Variants in AKR1C3 observed in about 807,000 individuals in gnomAD.
AKR1C3 encodes 3-alpha hydroxysteroid dehydrogenase, type II.
A neutral mutation model predicts 43.6 loss-of-function variants in AKR1C3; 48 were observed. The observed-to-expected ratio is 1.10, with a 90% confidence interval of 0.87 to 1.40. The LOEUF is 1.40. Among genes scored for constraint, AKR1C3 ranks in the 40% most tolerant of loss-of-function variants. AKR1C3 has a pLI of 0.00. For missense variants in AKR1C3, 482 were observed against 391.2 expected (o/e 1.23, Z -1.96); for synonymous variants, 162 against 139.6 (o/e 1.16, Z -1.13).
At chr10:5,101,044 C>A (rs782418083) in intron 5 of AKR1C3, among the ~76,000 whole-genome samples, 2 of 152,124 alleles carry the variant, frequency 1.3e-5, no homozygotes, top group Non-Finnish European at 2.9e-5. Flanking sequence ...ATTATTGTAT[C>A]TAAGGAAACG....
chr10:5,104,890 ATGTAATGAACACCTTTTACCTAGACTAAT>A (rs1554786827), intron 7 of AKR1C3, among the ~76,000 whole-genome samples: 1 of 152,140 alleles, frequency 6.6e-6, no homozygotes. Context: ...TAAAAGAAAA[ATGTAATGAACACCTTTTACCTAGACTAAT>A]TGTTAACTTG....
upstream of AKR1C3, among the ~76,000 whole-genome samples, chr10:5,093,149 A>G (rs192838117): frequency 4.6e-5 from 7 of 152,152 alleles, no homozygotes; most frequent in Admixed American, 4.6e-4. Context: ...TAGACGGACT[A>G]TTGCACGTCT....
chr10:5,068,236 T>C (rs1359798308), intron 1 of AKR1C3, among the ~76,000 whole-genome samples: 6 of 152,156 alleles, frequency 3.9e-5, no homozygotes, highest in Non-Finnish European at 8.8e-5. Context: ...CATATAATCT[T>C]AGAACATACA....
At chr10:5,067,651 C>T (rs539959837) in intron 1 of AKR1C3, among the ~76,000 whole-genome samples, 1 of 152,304 alleles carries the variant, frequency 6.6e-6, no homozygotes, top group African/African-American at 2.4e-5. Context: ...TGAATGACAT[C>T]CTTTCATAAA....
At chr10:5,066,625 C>T (rs548927692) in intron 1 of AKR1C3, among the ~76,000 whole-genome samples, 4 of 152,108 alleles carry the variant, frequency 2.6e-5, no homozygotes, top group Non-Finnish European at 5.9e-5. Context: ...GTATGGTGCT[C>T]ATCGAAGGTC....
At chr10:5,088,783 A>C (rs1839026182) in intron 1 of AKR1C3, among the ~76,000 whole-genome samples, 1 of 151,832 alleles carries the variant, frequency 6.6e-6, no homozygotes, top group African/African-American at 2.4e-5. Context: ...TTTTAAGTGG[A>C]GGATTTAGGT....
At chr10:5,083,539 C>T (rs1263859867) in intron 1 of AKR1C3, among the ~76,000 whole-genome samples, 14 of 152,236 alleles carry the variant, frequency 9.2e-5, no homozygotes, top group Admixed American at 5.2e-4. Context: ...TATAAACATA[C>T]GTGTGCATGT....
intron 1 of AKR1C3, among the ~76,000 whole-genome samples, chr10:5,062,993 A>G (rs1554780388): frequency 6.6e-6 from 1 of 152,212 alleles, no homozygotes; most frequent in Admixed American, 6.5e-5. Flanking sequence ...TTTTCTCTAC[A>G]AGAAATGCTG....
chr10:5,090,158 C>A, upstream of AKR1C3, among the ~76,000 whole-genome samples: 1 of 152,156 alleles, frequency 6.6e-6, no homozygotes, highest in East Asian at 1.9e-4. Flanking sequence ...TGGGATGGAC[C>A]GTGGAATGAT....
intron 5 of AKR1C3, among the ~76,000 whole-genome samples, chr10:5,100,865 T>A (rs558159448): frequency 6.6e-6 from 1 of 152,330 alleles, no homozygotes; most frequent in Non-Finnish European, 1.5e-5. Context: ...GTTAACACTT[T>A]GCCACATTGC....
At chr10:5,090,329 G>T (rs1564365831), upstream of AKR1C3, among the ~76,000 whole-genome samples, 1 of 152,064 alleles carries the variant, frequency 6.6e-6, no homozygotes, top group African/African-American at 2.4e-5. Flanking sequence ...TCTCTGTGGG[G>T]GTTAGGAAAC....
intron 1 of AKR1C3, among the ~76,000 whole-genome samples, chr10:5,095,622 AT>A (rs1564368133): frequency 6.6e-6 from 1 of 151,992 alleles, no homozygotes; most frequent in African/African-American, 2.4e-5. Flanking sequence ...TCATTAAAAA[AT>A]ACCTTTCAAA....
At chr10:5,051,896 G>C (rs1177174222) in intron 1 of AKR1C3, among the ~76,000 whole-genome samples, 1 of 152,090 alleles carries the variant, frequency 6.6e-6, no homozygotes, top group East Asian at 1.9e-4. Flanking sequence ...TACCTACTTT[G>C]GTCTCCATTA....
chr10:5,095,441 TTGAG>T (rs1278720147), intron 1 of AKR1C3, among the ~76,000 whole-genome samples: 9 of 151,518 alleles, frequency 5.9e-5, no homozygotes, highest in African/African-American at 2.2e-4. Context: ...TGGTAAACCT[TTGAG>T]TGTTGGCACA....
chr10:5,050,123 G>A (rs1200254541), intron 1 of AKR1C3, among the ~76,000 whole-genome samples: 1 of 152,160 alleles, frequency 6.6e-6, no homozygotes, highest in Non-Finnish European at 1.5e-5. Flanking sequence ...TGTGGTCCAG[G>A]TGCCAATTCT....
intron 1 of AKR1C3, among the ~76,000 whole-genome samples, chr10:5,080,227 T>C (rs917116015): frequency 3.9e-5 from 6 of 152,150 alleles, no homozygotes; most frequent in Non-Finnish European, 8.8e-5. Context: ...GGAATGTGAA[T>C]GAGTGTGTGA....
chr10:5,097,751 G>C, intron 3 of AKR1C3: 1 of 1,355,636 alleles, frequency 7.4e-7, no homozygotes, highest in South Asian at 1.5e-5. Context: ...CAAGAGAAGA[G>C]AGTACAGCAA....
upstream of AKR1C3, among the ~76,000 whole-genome samples, chr10:5,089,575 T>G (rs1383139989): frequency 6.6e-6 from 1 of 152,104 alleles, no homozygotes; most frequent in South Asian, 2.1e-4. Flanking sequence ...CTTCAGTGAA[T>G]TTTTTTGTTT....
intron 1 of AKR1C3, among the ~76,000 whole-genome samples, chr10:5,049,958 T>C (rs1838119287): frequency 6.6e-6 from 1 of 152,256 alleles, no homozygotes; most frequent in Non-Finnish European, 1.5e-5. Flanking sequence ...AATCTGCACC[T>C]TCCATGTAGG....
Sources: allele counts gnomAD v4.1 joint callset (sites outside exome capture counted in the v4.1 genomes callset), GRCh38; gene constraint gnomAD v4.1.1; transcripts MANE v1.5; gene names NCBI Gene and HGNC (gene_info 2026-07-23, HGNC 2026-07-21).